DAB1: variants seen among roughly 807,000 people sequenced by gnomAD.
DAB1 encodes the protein disabled homolog 1.
Under a neutral mutation model 64.6 loss-of-function variants are expected in DAB1, and 15 were observed. The ratio of observed to expected loss-of-function variants is 0.23; its 90% CI spans 0.16 to 0.36. The LOEUF (loss-of-function observed/expected upper bound fraction) is 0.36, where lower values mean the gene tolerates loss of function less well. Ranked by LOEUF, DAB1 falls within the 10% of genes least tolerant of loss-of-function variation. DAB1 has a pLI of 1.00. For synonymous variants in DAB1, 235 were observed against 251.9 expected (o/e 0.93, Z 0.64); for missense variants, 596 against 706.7 (o/e 0.84, Z 1.78).
chr1:58,385,614 T>C (rs375962782), intron 3 of DAB1, among the ~76,000 whole-genome samples: 1 of 152,240 alleles, frequency 6.6e-6, no homozygotes, highest in African/African-American at 2.4e-5. Flanking sequence ...AATAGAACTT[T>C]ACAGTTTATA....
intron 5 of DAB1, among the ~76,000 whole-genome samples, chr1:58,063,656 A>T (rs1018987599): frequency 4.6e-5 from 7 of 152,208 alleles, no homozygotes; most frequent in Non-Finnish European, 1.0e-4. Flanking sequence ...AAATGGGCAT[A>T]TTCACAACAA....
intron 5 of DAB1, among the ~76,000 whole-genome samples, chr1:58,075,943 T>A (rs78487464): frequency 0.061 from 9,143 of 150,850 alleles, 329 homozygotes; most frequent in Middle Eastern, 0.093. Context: ...TCTCTCTCTC[T>A]CACAGGCACA....
At chr1:58,378,251 G>A (rs1387915464) in intron 3 of DAB1, among the ~76,000 whole-genome samples, 2 of 118,244 alleles carry the variant, frequency 1.7e-5, no homozygotes, top group Non-Finnish European at 3.8e-5. Flanking sequence ...AGGAGGAGAG[G>A]TGCTCTGCGT....
intron 4 of DAB1, among the ~76,000 whole-genome samples, chr1:58,334,117 C>T (rs1488683218): frequency 6.6e-6 from 1 of 152,122 alleles, no homozygotes; most frequent in Non-Finnish European, 1.5e-5. Flanking sequence ...TGAGCTTGGC[C>T]ATGTGACATA....
chr1:57,768,328 T>C (rs1649409926), intron 6 of DAB1, among the ~76,000 whole-genome samples: 2 of 151,920 alleles, frequency 1.3e-5, no homozygotes, highest in Non-Finnish European at 2.9e-5. Flanking sequence ...ATGTTAGGAC[T>C]ACCTTATGCA....
chr1:58,160,751 T>G (rs1655492435), intron 4 of DAB1, among the ~76,000 whole-genome samples: 1 of 151,956 alleles, frequency 6.6e-6, no homozygotes, highest in Non-Finnish European at 1.5e-5. Context: ...CAATTTTGGG[T>G]ACAGTTACCA....
chr1:57,049,924 A>AG (rs1201071655), intron 9 of DAB1, among the ~76,000 whole-genome samples: 1 of 152,170 alleles, frequency 6.6e-6, no homozygotes, highest in Non-Finnish European at 1.5e-5. Flanking sequence ...TATTTGTGGC[A>AG]GTGGCTGAGT....
intron 4 of DAB1, among the ~76,000 whole-genome samples, chr1:57,104,320 G>A (rs540261202): frequency 1.1e-4 from 17 of 151,824 alleles, no homozygotes; most frequent in East Asian, 5.8e-4. Context: ...GTAGGACCAC[G>A]TCTTGGTTGA....
intron 2 of DAB1, among the ~76,000 whole-genome samples, chr1:57,225,905 T>C (rs973475570): frequency 2.0e-5 from 3 of 152,144 alleles, no homozygotes; most frequent in Non-Finnish European, 2.9e-5. Context: ...GTAAAAAAAT[T>C]TACATATCAC....
intron 9 of DAB1, among the ~76,000 whole-genome samples, chr1:57,046,908 C>T (rs1338546917): frequency 6.6e-6 from 1 of 152,190 alleles, no homozygotes; most frequent in Non-Finnish European, 1.5e-5. Flanking sequence ...ATGTTCTGGT[C>T]TCAGAGGCAG....
At chr1:58,323,732 T>C (rs1251883460) in intron 4 of DAB1, among the ~76,000 whole-genome samples, 2 of 152,044 alleles carry the variant, frequency 1.3e-5, no homozygotes, top group Admixed American at 6.6e-5. Flanking sequence ...GAGACCATCC[T>C]GGCTAACACG....
intron 3 of DAB1, among the ~76,000 whole-genome samples, chr1:58,362,930 C>T (rs548133400): frequency 1.3e-5 from 2 of 152,160 alleles, no homozygotes; most frequent in East Asian, 1.9e-4. Flanking sequence ...CTTACATTTC[C>T]GGAGGCAGAG....
At chr1:58,458,433 G>A (rs1645211721) in intron 3 of DAB1, among the ~76,000 whole-genome samples, 1 of 152,214 alleles carries the variant, frequency 6.6e-6, no homozygotes, top group South Asian at 2.1e-4. Flanking sequence ...TTGAATCCAG[G>A]TTTGTTCTAC....
chr1:57,304,480 C>G (rs747055826), intron 1 of DAB1, among the ~76,000 whole-genome samples: 1 of 152,180 alleles, frequency 6.6e-6, no homozygotes, highest in Non-Finnish European at 1.5e-5. Context: ...CACCGTCTCA[C>G]GGACTTGCCC....
chr1:58,289,939 CA>C (rs1661774697), intron 4 of DAB1, among the ~76,000 whole-genome samples: 1 of 152,186 alleles, frequency 6.6e-6, no homozygotes, highest in African/African-American at 2.4e-5. Flanking sequence ...GTATCCAGCA[CA>C]AAAGCTTTCC....
chr1:57,452,166 C>CTTTTT (rs78592207), intron 7 of DAB1, among the ~76,000 whole-genome samples: 9 of 75,012 alleles, frequency 1.2e-4, no homozygotes, highest in East Asian at 5.4e-4. Context: ...TGCACCCCCC[C>CTTTTT]TTTTTTTTTT....
At chr1:58,528,981 G>A (rs188963786) in intron 1 of DAB1, among the ~76,000 whole-genome samples, 153 of 152,108 alleles carry the variant, frequency 1.0e-3, no homozygotes, top group Non-Finnish European at 1.9e-3. Flanking sequence ...ATGACCAACT[G>A]TGCTGATTCC....
intron 2 of DAB1, among the ~76,000 whole-genome samples, chr1:57,190,432 G>A (rs1664024784): frequency 6.6e-6 from 1 of 152,126 alleles, no homozygotes; most frequent in Non-Finnish European, 1.5e-5. Flanking sequence ...GGTCCAGAAA[G>A]GTGAAGTGAC....
intron 5 of DAB1, among the ~76,000 whole-genome samples, chr1:58,102,420 G>A (rs1651378288): frequency 6.6e-6 from 1 of 152,172 alleles, no homozygotes; most frequent in Non-Finnish European, 1.5e-5. Flanking sequence ...CTGGTTGCTG[G>A]AATGGAGACA....
Sources: gnomAD v4.1 joint callset for allele counts (sites outside exome capture counted in the v4.1 genomes callset) on GRCh38, gnomAD v4.1.1 for gene constraint, MANE v1.5 for transcripts, NCBI Gene and HGNC (gene_info 2026-07-23, HGNC 2026-07-21) for gene names.